Variants in RSPO2 observed in about 807,000 individuals in gnomAD.
RSPO2 encodes R-spondin-2.
A neutral mutation model predicts 30.9 loss-of-function variants in RSPO2; 14 were observed. The ratio of observed to expected loss-of-function variants is 0.45; its 90% confidence interval spans 0.30 to 0.71. The LOEUF (loss-of-function observed/expected upper bound fraction) is 0.71, where lower values mean the gene tolerates loss of function less well. Ranked by LOEUF, RSPO2 falls within the 30% of genes least tolerant of loss-of-function variation. The probability of loss-of-function intolerance (pLI) is 0.08; values close to 1 mark genes in which losing one functional copy is unlikely to be tolerated. For missense variants in RSPO2, 264 were observed against 301.9 expected (o/e 0.87, Z 0.93); for synonymous variants, 107 against 96.4 (o/e 1.11, Z -0.64).
At chr8:107,961,846 G>A (rs1813637120) in intron 3 of RSPO2, among the ~76,000 whole-genome samples, 1 of 152,096 alleles carries the variant, frequency 6.6e-6, no homozygotes. Flanking sequence ...TTACAATAAG[G>A]TATAAAAAGA....
At chr8:107,996,663 C>T (rs1312201568) in intron 2 of RSPO2, among the ~76,000 whole-genome samples, 1 of 152,094 alleles carries the variant, frequency 6.6e-6, no homozygotes, top group Non-Finnish European at 1.5e-5. Flanking sequence ...CTCTTTATCA[C>T]CATAAATCAT....
At chr8:107,985,957 C>T (rs927811853) in intron 3 of RSPO2, among the ~76,000 whole-genome samples, 7 of 152,134 alleles carry the variant, frequency 4.6e-5, no homozygotes, top group Admixed American at 3.3e-4. Context: ...TATTGCTTTA[C>T]ATTGGAAATC....
intron 3 of RSPO2, among the ~76,000 whole-genome samples, chr8:107,970,934 G>T (rs1036686440): frequency 2.0e-5 from 3 of 152,202 alleles, no homozygotes; most frequent in Non-Finnish European, 2.9e-5. Context: ...AGTAGATACA[G>T]TCTTGGTTGT....
intron 5 of RSPO2, among the ~76,000 whole-genome samples, chr8:107,946,629 A>G (rs1813068591): frequency 6.6e-6 from 1 of 152,236 alleles, no homozygotes; most frequent in Admixed American, 6.5e-5. Context: ...GAAAAATGTG[A>G]AAAATATTGT....
At chr8:107,991,609 C>A (rs768957363) in intron 2 of RSPO2, among the ~76,000 whole-genome samples, 17 of 152,048 alleles carry the variant, frequency 1.1e-4, no homozygotes, top group Admixed American at 2.6e-4. Context: ...ACTGAACAGG[C>A]AACCTACAGA....
At chr8:107,917,058 G>T (rs752919601) in intron 5 of RSPO2, among the ~76,000 whole-genome samples, 3 of 152,128 alleles carry the variant, frequency 2.0e-5, no homozygotes, top group Non-Finnish European at 2.9e-5. Flanking sequence ...TTGTTTGTTT[G>T]CCCTTTTGGG....
intron 5 of RSPO2, among the ~76,000 whole-genome samples, chr8:107,931,039 AATAACAT>A (rs1335749185): frequency 6.6e-6 from 1 of 152,230 alleles, no homozygotes; most frequent in Non-Finnish European, 1.5e-5. Flanking sequence ...GGGCTGGAAA[AATAACAT>A]ATTTTGCTAG....
At chr8:107,960,572 C>A in intron 4 of RSPO2, 102 bp downstream of exon 4, 1 of 1,134,406 alleles carries the variant, frequency 8.8e-7, no homozygotes. Context: ...AACAAGAGAA[C>A]CAATTTGTTT....
intron 3 of RSPO2, among the ~76,000 whole-genome samples, chr8:107,981,907 G>A (rs1248691984): frequency 2.7e-5 from 4 of 149,476 alleles, no homozygotes; most frequent in African/African-American, 4.9e-5. Context: ...AGTGGCACAC[G>A]ACTGTAGTCC....
intron 5 of RSPO2, among the ~76,000 whole-genome samples, chr8:107,948,459 A>G (rs1255094145): frequency 6.6e-6 from 1 of 152,224 alleles, no homozygotes; most frequent in Non-Finnish European, 1.5e-5. Context: ...CATAACAAAT[A>G]GCTTTGACAC....
intron 2 of RSPO2, among the ~76,000 whole-genome samples, chr8:108,072,492 A>ATTTTTTTTT (rs71308776): frequency 2.4e-5 from 3 of 122,660 alleles, no homozygotes; most frequent in African/African-American, 6.4e-5. Flanking sequence ...AGCCCGGCTA[A>ATTTTTTTTT]TTTTTTTTTT....
At chr8:108,035,819 T>G (rs1224688370) in intron 2 of RSPO2, among the ~76,000 whole-genome samples, 1 of 152,122 alleles carries the variant, frequency 6.6e-6, no homozygotes, top group South Asian at 2.1e-4. Context: ...GAAGAGACTG[T>G]TTCAGTTTCG....
At chr8:108,004,371 C>A (rs1321332223) in intron 2 of RSPO2, among the ~76,000 whole-genome samples, 1 of 152,190 alleles carries the variant, frequency 6.6e-6, no homozygotes, top group Non-Finnish European at 1.5e-5. Flanking sequence ...GGCCACTCTC[C>A]TCACTGTCTT....
chr8:107,902,622 G>A (rs1811514696), intron 5 of RSPO2, among the ~76,000 whole-genome samples: 1 of 151,976 alleles, frequency 6.6e-6, no homozygotes, highest in East Asian at 1.9e-4. Flanking sequence ...TAAGGTAGAT[G>A]TTTCTTATTT....
At chr8:107,997,787 C>G (rs901580757) in intron 2 of RSPO2, among the ~76,000 whole-genome samples, 2 of 152,140 alleles carry the variant, frequency 1.3e-5, no homozygotes, top group African/African-American at 4.8e-5. Context: ...TTTATGAATT[C>G]TGGTATTCTA....
chr8:108,028,834 T>C (rs1249833685), intron 2 of RSPO2, among the ~76,000 whole-genome samples: 9 of 152,186 alleles, frequency 5.9e-5, no homozygotes, highest in Non-Finnish European at 1.2e-4. Flanking sequence ...ATGATGTTCA[T>C]TGACTACCTC....
chr8:108,078,046 T>A (rs1813068184), intron 2 of RSPO2, among the ~76,000 whole-genome samples: 1 of 152,044 alleles, frequency 6.6e-6, no homozygotes, highest in Non-Finnish European at 1.5e-5. Flanking sequence ...AACTGGCCAG[T>A]TTGTCTCTAA....
intron 3 of RSPO2, chr8:107,984,109 A>G: frequency 4.3e-6 from 2 of 462,856 alleles, no homozygotes; most frequent in Non-Finnish European, 7.7e-6. Context: ...AGGCATTGCC[A>G]GGACTTGGGA....
intron 5 of RSPO2, among the ~76,000 whole-genome samples, chr8:107,938,864 T>C (rs1353773174): frequency 1.3e-5 from 2 of 152,140 alleles, no homozygotes; most frequent in Admixed American, 1.3e-4. Flanking sequence ...GACATCAACC[T>C]TGGACTGCCT....
Sources: gnomAD v4.1 joint callset for allele counts (sites outside exome capture counted in the v4.1 genomes callset) on GRCh38, gnomAD v4.1.1 for gene constraint, MANE v1.5 for transcripts, NCBI Gene and HGNC (gene_info 2026-07-23, HGNC 2026-07-21) for gene names.